The following SERGEF variants were observed in gnomAD, a reference collection of about 807,000 sequenced individuals.
The protein encoded by SERGEF is secretion regulating guanine nucleotide exchange factor, also known as secretion-regulating guanine nucleotide exchange factor.
A neutral mutation model predicts 50.0 loss-of-function variants in SERGEF; 51 were observed. The observed-to-expected ratio is 1.02, with a 90% CI of 0.81 to 1.29. The LOEUF (loss-of-function observed/expected upper bound fraction) is 1.29, where lower values mean the gene tolerates loss of function less well. Among genes scored for constraint, SERGEF ranks in the 50% most tolerant of loss-of-function variants. The pLI, the probability that SERGEF is intolerant of heterozygous loss-of-function variation, is 0.00. For missense variants in SERGEF, 521 were observed against 557.0 expected, an observed-to-expected ratio of 0.94 and a Z score of 0.65; for synonymous variants, 205 against 212.4, an observed-to-expected ratio of 0.97 and a Z score of 0.30.
chr11:17,910,958 G>A (rs947419000), intron 9 of SERGEF, among the ~76,000 whole-genome samples: 1 of 152,136 alleles, frequency 6.6e-6, no homozygotes, highest in Non-Finnish European at 1.5e-5. Flanking sequence ...GGACCTTACA[G>A]AAGAAGCAAT....
At chr11:17,969,475 A>C (rs935907497) in intron 8 of SERGEF, among the ~76,000 whole-genome samples, 1 of 152,206 alleles carries the variant, frequency 6.6e-6, no homozygotes, top group African/African-American at 2.4e-5. Context: ...TCTGCAGCTA[A>C]GAATCACACC....
intron 9 of SERGEF, chr11:17,926,934 C>A (rs1852263502): frequency 1.1e-5 from 5 of 435,148 alleles, no homozygotes; most frequent in South Asian, 8.1e-5. Context: ...TGCTCCTATG[C>A]CCCTCCCCAA....
chr11:17,868,461 G>T (rs1040164137), intron 10 of SERGEF, among the ~76,000 whole-genome samples: 1 of 152,006 alleles, frequency 6.6e-6, no homozygotes, highest in Non-Finnish European at 1.5e-5. Context: ...TCAGTATTTT[G>T]ATCAAAGTCA....
intron 1 of SERGEF, among the ~76,000 whole-genome samples, chr11:18,011,964 A>G (rs1256794913): frequency 6.6e-6 from 1 of 152,212 alleles, no homozygotes; most frequent in African/African-American, 2.4e-5. Context: ...TACTGATTTT[A>G]ACAGCAATAC....
At chr11:17,857,389 GAT>G (rs1428593550) in intron 10 of SERGEF, among the ~76,000 whole-genome samples, 2 of 152,166 alleles carry the variant, frequency 1.3e-5, no homozygotes, top group African/African-American at 4.8e-5. Context: ...GATCAGCTAA[GAT>G]TTTGCTTCTC....
chr11:17,942,282 TC>T (rs1240626012), intron 9 of SERGEF, among the ~76,000 whole-genome samples: 3 of 152,148 alleles, frequency 2.0e-5, no homozygotes. Context: ...CTTTAACTTC[TC>T]CCAGCAGTGT....
intron 9 of SERGEF, among the ~76,000 whole-genome samples, chr11:17,916,206 C>G (rs117236390): frequency 2.0e-5 from 3 of 152,184 alleles, no homozygotes; most frequent in African/African-American, 4.8e-5. Context: ...GTAGTAAATA[C>G]ATCGCTCTAT....
At chr11:17,862,946 T>C (rs924445448) in intron 10 of SERGEF, among the ~76,000 whole-genome samples, 13 of 152,260 alleles carry the variant, frequency 8.5e-5, no homozygotes, top group African/African-American at 3.1e-4. Context: ...AGCTCTGCTG[T>C]TGCTTTTTCC....
chr11:17,913,001 T>C (rs1369589754), intron 9 of SERGEF, among the ~76,000 whole-genome samples: 1 of 152,234 alleles, frequency 6.6e-6, no homozygotes, highest in Non-Finnish European at 1.5e-5. Context: ...AACTGTAAAG[T>C]CTGTGCCCAT....
intron 9 of SERGEF, chr11:17,939,554 G>A (rs960797311): frequency 6.6e-6 from 1 of 152,198 alleles, no homozygotes. Flanking sequence ...ATTAATTTGG[G>A]CATTTCAGCA....
chr11:17,841,718 T>C (rs1165202285), intron 10 of SERGEF, among the ~76,000 whole-genome samples: 1 of 152,152 alleles, frequency 6.6e-6, no homozygotes, highest in Non-Finnish European at 1.5e-5. Flanking sequence ...GAGCTTAGAA[T>C]AAAAAGAAAA....
At chr11:17,984,042 A>G (rs1039190244) in intron 8 of SERGEF, among the ~76,000 whole-genome samples, 4 of 152,218 alleles carry the variant, frequency 2.6e-5, no homozygotes, top group African/African-American at 9.6e-5. Context: ...CAGATTACAT[A>G]GGACCTGTAG....
chr11:17,953,059 T>A (rs1175285261), intron 9 of SERGEF, among the ~76,000 whole-genome samples: 1 of 151,300 alleles, frequency 6.6e-6, no homozygotes, highest in Non-Finnish European at 1.5e-5. Flanking sequence ...AGTCACAACC[T>A]CCCACCCTAG....
chr11:17,863,054 C>T (rs915608948), intron 10 of SERGEF, among the ~76,000 whole-genome samples: 6 of 152,188 alleles, frequency 3.9e-5, no homozygotes, highest in Admixed American at 6.5e-5. Flanking sequence ...GCACAAGAAG[C>T]GGCAAGTGCA....
intron 10 of SERGEF, among the ~76,000 whole-genome samples, chr11:17,844,056 A>C (rs1013853906): frequency 6.6e-6 from 1 of 152,172 alleles, no homozygotes; most frequent in African/African-American, 2.4e-5. Flanking sequence ...AAGTGATTTG[A>C]TAGAATAGTC....
chr11:17,871,896 A>G (rs376514202), intron 10 of SERGEF, among the ~76,000 whole-genome samples: 1 of 152,362 alleles, frequency 6.6e-6, no homozygotes, highest in East Asian at 1.9e-4. Flanking sequence ...CTAATACTAA[A>G]TATGAACTAG....
At chr11:17,907,914 C>T (rs1168094926) in intron 9 of SERGEF, among the ~76,000 whole-genome samples, 3 of 152,148 alleles carry the variant, frequency 2.0e-5, no homozygotes, top group Non-Finnish European at 4.4e-5. Flanking sequence ...GACAAAATAG[C>T]ATGCATCCTC....
chr11:17,895,605 T>C (rs371765053), intron 9 of SERGEF, among the ~76,000 whole-genome samples: 6 of 152,252 alleles, frequency 3.9e-5, no homozygotes, highest in African/African-American at 1.4e-4. Flanking sequence ...AATAAAGTTG[T>C]AGATTTTCAG....
At chr11:17,790,269 A>T (rs959827412) in intron 10 of SERGEF, among the ~76,000 whole-genome samples, 4 of 152,048 alleles carry the variant, frequency 2.6e-5, no homozygotes, top group African/African-American at 9.7e-5. Flanking sequence ...TTCTACATAG[A>T]TGTGTCCTTA....
Sources: allele counts gnomAD v4.1 joint callset (sites outside exome capture counted in the v4.1 genomes callset), GRCh38; gene constraint gnomAD v4.1.1; transcripts MANE v1.5; gene names NCBI Gene and HGNC (gene_info 2026-07-23, HGNC 2026-07-21).